NMNAT2: variants seen among roughly 807,000 people sequenced by gnomAD.
NMNAT2 encodes the protein nicotinamide nucleotide adenylyltransferase 2, also known as nicotinamide/nicotinic acid mononucleotide adenylyltransferase 2.
In NMNAT2, 11 loss-of-function variants were observed where a neutral mutation model predicts 41.6. That is an observed-to-expected ratio of 0.26 (90% confidence interval 0.17 to 0.44). The LOEUF is 0.44. NMNAT2 is among the 20% of genes least tolerant of loss of function. The pLI, the probability that NMNAT2 is intolerant of heterozygous loss-of-function variation, is 1.00. For synonymous variants in NMNAT2, 148 were observed against 151.2 expected (o/e 0.98, Z 0.16); for missense variants, 288 against 407.7 (o/e 0.71, Z 2.53).
chr1:183,322,728 C>T (rs1662379363), intron 1 of NMNAT2, among the ~76,000 whole-genome samples: 1 of 152,150 alleles, frequency 6.6e-6, no homozygotes. Flanking sequence ...TTTTCAGGAC[C>T]ACACAGCAAA....
chr1:183,357,788 C>A (rs925419387), intron 1 of NMNAT2, among the ~76,000 whole-genome samples: 2 of 151,858 alleles, frequency 1.3e-5, no homozygotes, highest in African/African-American at 4.8e-5. Context: ...GATTGTTGGC[C>A]GCGTGTATGT....
intron 1 of NMNAT2, among the ~76,000 whole-genome samples, chr1:183,306,133 A>T (rs116298182): frequency 0.01 from 1,549 of 151,486 alleles, 33 homozygotes; most frequent in African/African-American, 0.035. Flanking sequence ...TTTGCAGGGG[A>T]CTTTCTTGGT....
intron 8 of NMNAT2, among the ~76,000 whole-genome samples, chr1:183,269,139 A>G (rs1471944839): frequency 6.6e-6 from 1 of 152,166 alleles, no homozygotes; most frequent in Non-Finnish European, 1.5e-5. Flanking sequence ...AAACAAAATG[A>G]CCTTTATGTT....
intron 1 of NMNAT2, among the ~76,000 whole-genome samples, chr1:183,329,989 G>A (rs113308347): frequency 3.4e-4 from 52 of 152,200 alleles, no homozygotes; most frequent in African/African-American, 1.2e-3. Context: ...CCTCTTCCCC[G>A]CAAAACCGGG....
chr1:183,357,285 A>AGTGGCAC (rs1031115923), intron 1 of NMNAT2, among the ~76,000 whole-genome samples: 27 of 128,760 alleles, frequency 2.1e-4, no homozygotes, highest in African/African-American at 8.0e-4. Flanking sequence ...GCTGGAGTTC[A>AGTGGCAC]GTGGCACGAT....
rs74129669 is a variant in NMNAT2 at position 183,262,671 on chromosome 1, A to G, written c.652-1368T>C. 6.8e-3 allele frequency among the ~76,000 whole-genome samples: 1,035 copies of G among 152,360 alleles called. 14 individuals carry two copies. Among genetic ancestry groups the G allele is most frequent in the African/African-American group, 0.024 (998 of 41,586 alleles). ...GATAAGAAATGATATAATTGGATAA[A>G]AGGATATAAACTGTACATAATTCAA... On this transcript the variant is annotated intron_variant, in intron 8 of 10. Transcript: ENST00000287713.
At chr1:183,386,295 A>G (rs979024179) in intron 1 of NMNAT2, among the ~76,000 whole-genome samples, 1 of 152,124 alleles carries the variant, frequency 6.6e-6, no homozygotes, top group Non-Finnish European at 1.5e-5. Flanking sequence ...GGTGTCCCCC[A>G]CCAAAAAAAA....
At chr1:183,322,376 C>G (rs1467627943) in intron 1 of NMNAT2, among the ~76,000 whole-genome samples, 1 of 152,154 alleles carries the variant, frequency 6.6e-6, no homozygotes, top group Admixed American at 6.5e-5. Context: ...GCCTCATGCT[C>G]TACTTCTTCA....
At chr1:183,372,135 T>C (rs1454595768) in intron 1 of NMNAT2, among the ~76,000 whole-genome samples, 1 of 152,110 alleles carries the variant, frequency 6.6e-6, no homozygotes, top group Non-Finnish European at 1.5e-5. Flanking sequence ...GTGACCTACG[T>C]CCACTCTTCT....
chr1:183,302,896 C>T (rs1046524059), intron 1 of NMNAT2, among the ~76,000 whole-genome samples: 1 of 152,182 alleles, frequency 6.6e-6, no homozygotes, highest in African/African-American at 2.4e-5. Flanking sequence ...CCTGGAGCCT[C>T]CTTGCTGGCC....
At chr1:183,339,255 G>A (rs1426452818) in intron 1 of NMNAT2, among the ~76,000 whole-genome samples, 2 of 152,006 alleles carry the variant, frequency 1.3e-5, no homozygotes, top group Admixed American at 6.6e-5. Context: ...CTGCCACCAC[G>A]CCTGGCTAAT....
chr1:183,260,758 G>T (rs1313401515), intron 10 of NMNAT2, among the ~76,000 whole-genome samples: 1 of 149,312 alleles, frequency 6.7e-6, no homozygotes, highest in African/African-American at 2.5e-5. Context: ...GGCGGGGGTT[G>T]CAGTGAGCTG....
chr1:183,376,578 G>A (rs1468297198), intron 1 of NMNAT2, among the ~76,000 whole-genome samples: 1 of 152,188 alleles, frequency 6.6e-6, no homozygotes, highest in Non-Finnish European at 1.5e-5. Context: ...TGCGATGACA[G>A]GTGAGTGATT....
chr1:183,411,579 C>A (rs1221800362), intron 1 of NMNAT2, among the ~76,000 whole-genome samples: 1 of 152,166 alleles, frequency 6.6e-6, no homozygotes, highest in Non-Finnish European at 1.5e-5. Context: ...GCTGGGATTA[C>A]AGGCCTGAGC....
chr1:183,293,619 C>G (rs1404556803), intron 2 of NMNAT2, 86 bp downstream of exon 2: 1 of 928,496 alleles, frequency 1.1e-6, no homozygotes, highest in Non-Finnish European at 1.8e-6. Context: ...AGAGACAGAG[C>G]GGGGGCAGTT....
chr1:183,250,227 A>T lies in NMNAT2; in HGVS notation c.*2414T>A, dbSNP rs200216997. On this transcript the variant is annotated 3_prime_UTR_variant, in exon 11 of 11. Coordinates refer to ENST00000287713, the MANE Select transcript of NMNAT2 (RefSeq NM_015039.4). ...AAGGCTGTTCCATCTTTCGCTCTCCAGCAATAGCATCATCCTGAGCACTCT... is the reference window on the plus strand; with the variant it reads ...AAGGCTGTTCCATCTTTCGCTCTCCTGCAATAGCATCATCCTGAGCACTCT... The T allele has an allele frequency of 6.6e-6, 1 of 152,146 alleles. No homozygotes were observed. Among genetic ancestry groups the T allele is most frequent in the Non-Finnish European group, 1.5e-5 (1 of 68,040 alleles). The allele number at this position is 152,146 out of a possible 1,614,324, so 9.4% of individuals were successfully genotyped here.
intron 8 of NMNAT2, among the ~76,000 whole-genome samples, chr1:183,263,926 TG>T (rs1256347435): frequency 6.6e-6 from 1 of 152,072 alleles, no homozygotes; most frequent in African/African-American, 2.4e-5. Context: ...GGCGAACCAG[TG>T]GTCTAAGTAC....
In NMNAT2 at chr1:183,278,440, G is replaced by A. The variant is rs1661182176; in HGVS notation, c.651+113C>T. The A allele has an allele frequency of 7.2e-6, 5 of 691,108 alleles. No individual in the cohort carries two copies. The East Asian group carries it at 8.2e-5, about 11-fold the overall frequency. 42.8% of individuals were successfully genotyped at this position (691,108 alleles called of 1,614,324 possible). ...AATTTTCTACCATAGTGATGTGAAC[G>A]GACTGCCCTCTTAGAAGCTCAGAAG... On this transcript the variant is annotated intron_variant, in intron 8 of 10. Coordinates refer to ENST00000287713, the MANE Select transcript of NMNAT2 (RefSeq NM_015039.4).
At chr1:183,407,719 G>C (rs1394904255) in intron 1 of NMNAT2, among the ~76,000 whole-genome samples, 3 of 152,322 alleles carry the variant, frequency 2.0e-5, no homozygotes, top group African/African-American at 7.2e-5. Context: ...TCAACGTTCA[G>C]AGGGAAGTGA....
Sources: allele counts gnomAD v4.1 joint callset (sites outside exome capture counted in the v4.1 genomes callset), GRCh38; gene constraint gnomAD v4.1.1; transcripts MANE v1.5; gene names NCBI Gene and HGNC (gene_info 2026-07-23, HGNC 2026-07-21).